Variants in ZFHX3 observed in about 807,000 individuals in gnomAD.
The protein encoded by ZFHX3 is zinc finger homeobox 3.
Under a neutral mutation model 279.1 loss-of-function variants are expected in ZFHX3, and 42 were observed. The ratio of observed to expected loss-of-function variants is 0.15; its 90% confidence interval spans 0.12 to 0.19. ZFHX3 has a LOEUF of 0.19. ZFHX3 is among the 10% of genes least tolerant of loss of function. ZFHX3 has a pLI of 1.00. For missense variants in ZFHX3, 4,981 were observed against 4,754.0 expected, an observed-to-expected ratio of 1.05 and a Z score of -1.40; for synonymous variants, 2,293 against 1,957.8, an observed-to-expected ratio of 1.17 and a Z score of -4.52.
intron 7 of ZFHX3, chr16:73,127,258 G>T: frequency 1.8e-6 from 2 of 1,108,964 alleles, no homozygotes; most frequent in Non-Finnish European, 1.2e-6. Flanking sequence ...GCTAAAGGCT[G>T]CCGATAGGAA....
intron 5 of ZFHX3, among the ~76,000 whole-genome samples, chr16:73,256,072 A>G (rs2013654838): frequency 6.6e-6 from 1 of 152,216 alleles, no homozygotes; most frequent in Admixed American, 6.5e-5. Flanking sequence ...GGAGGCGATG[A>G]CCATGACATC....
chr16:73,219,035 G>A (rs2012312182), intron 5 of ZFHX3, among the ~76,000 whole-genome samples: 2 of 152,090 alleles, frequency 1.3e-5, no homozygotes, highest in African/African-American at 4.8e-5. Flanking sequence ...CACATAAATG[G>A]AATCCTACAA....
chr16:73,215,568 T>C (rs1230116895), intron 5 of ZFHX3, among the ~76,000 whole-genome samples: 5 of 152,216 alleles, frequency 3.3e-5, no homozygotes, highest in Non-Finnish European at 5.9e-5. Context: ...GACCCTGCAG[T>C]TTCAGAAGAG....
chr16:73,160,778 T>C (rs1269845648), intron 5 of ZFHX3, among the ~76,000 whole-genome samples: 14 of 150,300 alleles, frequency 9.3e-5, no homozygotes, highest in Admixed American at 3.3e-4. Context: ...TCTTCTTTTT[T>C]TTTTTTTTTT....
chr16:73,030,379 C>A (rs964391855), intron 1 of ZFHX3, among the ~76,000 whole-genome samples: 1 of 152,218 alleles, frequency 6.6e-6, no homozygotes, highest in Non-Finnish European at 1.5e-5. Flanking sequence ...GCAAGTGCCC[C>A]CAGTTCCATG....
At chr16:73,648,287 T>G (rs2052639085) in intron 2 of ZFHX3, among the ~76,000 whole-genome samples, 1 of 152,248 alleles carries the variant, frequency 6.6e-6, no homozygotes, top group African/African-American at 2.4e-5. Flanking sequence ...TCAGAGAGAT[T>G]AAATGATTTG....
At chr16:72,843,178 A>G (rs2037386548) in intron 4 of ZFHX3, among the ~76,000 whole-genome samples, 2 of 152,086 alleles carry the variant, frequency 1.3e-5, no homozygotes, top group South Asian at 2.1e-4. Context: ...AATTTTACAG[A>G]CTAGGAGACC....
intron 3 of ZFHX3, among the ~76,000 whole-genome samples, chr16:72,941,202 C>T (rs1960394832): frequency 6.6e-6 from 1 of 152,194 alleles, no homozygotes; most frequent in Non-Finnish European, 1.5e-5. Flanking sequence ...TTTGAACAAA[C>T]AGCTCTAGAG....
intron 2 of ZFHX3, among the ~76,000 whole-genome samples, chr16:73,641,124 T>C (rs1222804698): frequency 6.6e-6 from 1 of 152,200 alleles, no homozygotes; most frequent in Non-Finnish European, 1.5e-5. Context: ...GGAATAAAGA[T>C]ATTTTTAGAC....
At chr16:73,310,965 G>A (rs1021823809) in intron 4 of ZFHX3, among the ~76,000 whole-genome samples, 1 of 152,220 alleles carries the variant, frequency 6.6e-6, no homozygotes, top group Admixed American at 6.5e-5. Context: ...AGGTGCAGTG[G>A]CTCACGCCTG....
intron 5 of ZFHX3, among the ~76,000 whole-genome samples, chr16:73,219,278 C>T (rs577672170): frequency 2.0e-5 from 3 of 151,950 alleles, no homozygotes; most frequent in Non-Finnish European, 4.4e-5. Context: ...CAGACCTATG[C>T]TGTTGTGATT....
intron 4 of ZFHX3, among the ~76,000 whole-genome samples, chr16:72,858,734 G>C (rs2037812979): frequency 1.3e-5 from 2 of 152,248 alleles, no homozygotes; most frequent in Non-Finnish European, 2.9e-5. Context: ...TTTTCAATTT[G>C]TGCAGAGGGA....
intron 3 of ZFHX3, among the ~76,000 whole-genome samples, chr16:73,434,230 C>T (rs533285254): frequency 1.9e-4 from 29 of 152,260 alleles, no homozygotes; most frequent in African/African-American, 3.6e-4. Flanking sequence ...ATATGTGCTG[C>T]GACACATTGA....
At chr16:73,729,462 G>A (rs981327552) in intron 1 of ZFHX3, among the ~76,000 whole-genome samples, 2 of 152,038 alleles carry the variant, frequency 1.3e-5, no homozygotes, top group African/African-American at 4.8e-5. Flanking sequence ...CTGGGCGGCA[G>A]AGGCTGTAGT....
At chr16:73,791,460 C>G (rs1959821818) in intron 1 of ZFHX3, among the ~76,000 whole-genome samples, 1 of 151,618 alleles carries the variant, frequency 6.6e-6, no homozygotes, top group East Asian at 2.0e-4. Flanking sequence ...GAGTCTTGCT[C>G]TGTTGCCAGG....
chr16:73,646,380 T>C (rs1422736552), intron 2 of ZFHX3, among the ~76,000 whole-genome samples: 1 of 152,160 alleles, frequency 6.6e-6, no homozygotes. Flanking sequence ...GATCAAAATT[T>C]ATTATTTATA....
chr16:73,868,706 C>A (rs1194060735), intron 1 of ZFHX3, among the ~76,000 whole-genome samples: 1 of 152,118 alleles, frequency 6.6e-6, no homozygotes, highest in Non-Finnish European at 1.5e-5. Context: ...GAAATTTTTT[C>A]ACTTAAATGT....
At chr16:73,079,104 C>T (rs749518229) in intron 8 of ZFHX3, among the ~76,000 whole-genome samples, 11 of 152,152 alleles carry the variant, frequency 7.2e-5, no homozygotes, top group Non-Finnish European at 1.6e-4. Context: ...TGCAAATCTT[C>T]CCTGATCTCT....
At chr16:73,174,899 C>T (rs11075972) in intron 5 of ZFHX3, among the ~76,000 whole-genome samples, 91,576 of 146,374 alleles carry the variant, frequency 0.63, 28,958 homozygotes, top group Middle Eastern at 0.73. Flanking sequence ...CCAGGCATGG[C>T]GGCACATGCT....
Sources: allele counts gnomAD v4.1 joint callset (sites outside exome capture counted in the v4.1 genomes callset), GRCh38; gene constraint gnomAD v4.1.1; transcripts MANE v1.5; gene names NCBI Gene and HGNC (gene_info 2026-07-23, HGNC 2026-07-21).